The following NELL1 variants were observed in gnomAD, a reference collection of about 807,000 sequenced individuals.
NELL1 encodes the protein protein kinase C-binding protein NELL1.
Under a neutral mutation model 107.4 loss-of-function variants are expected in NELL1, and 76 were observed. That is an observed-to-expected ratio of 0.71 (90% CI 0.59 to 0.86). The LOEUF (loss-of-function observed/expected upper bound fraction) is 0.86, where lower values mean the gene tolerates loss of function less well. Ranked by LOEUF, NELL1 falls within the 40% of genes least tolerant of loss-of-function variation. The pLI, the probability that NELL1 is intolerant of heterozygous loss-of-function variation, is 0.00. For missense variants in NELL1, 1,024 were observed against 1,005.5 expected (o/e 1.02, Z -0.25); for synonymous variants, 353 against 341.2 (o/e 1.03, Z -0.38).
At chr11:20,863,549 GGGCAGCCGGGCAGA>G (rs1377132158) in intron 4 of NELL1, among the ~76,000 whole-genome samples, 1 of 150,362 alleles carries the variant, frequency 6.7e-6, no homozygotes, top group Non-Finnish European at 1.5e-5. Flanking sequence ...CCCAGACGAT[GGGCAGCCGGGCAGA>G]GACGCTCCTC....
chr11:20,957,436 A>G (rs1228108194), intron 11 of NELL1, among the ~76,000 whole-genome samples: 1 of 152,224 alleles, frequency 6.6e-6, no homozygotes, highest in Admixed American at 6.5e-5. Context: ...CTCTGAAGAA[A>G]TGCAGTTTAA....
At chr11:20,947,976 T>C (rs2134199255) in intron 11 of NELL1, among the ~76,000 whole-genome samples, 1 of 152,264 alleles carries the variant, frequency 6.6e-6, no homozygotes, top group East Asian at 1.9e-4. Flanking sequence ...TGGGCAGAAA[T>C]GGTTTTGCTT....
chr11:20,962,957 A>T (rs1374050748), intron 12 of NELL1, among the ~76,000 whole-genome samples: 1 of 152,204 alleles, frequency 6.6e-6, no homozygotes, highest in Non-Finnish European at 1.5e-5. Context: ...CATGGGTTAA[A>T]GCAGGGGTCA....
chr11:21,412,883 A>G (rs1852413573), intron 15 of NELL1, among the ~76,000 whole-genome samples: 1 of 152,082 alleles, frequency 6.6e-6, no homozygotes, highest in African/African-American at 2.4e-5. Context: ...TGCAACCCTC[A>G]CATTGCAACC....
At chr11:20,841,855 A>T (rs1373372912) in intron 3 of NELL1, among the ~76,000 whole-genome samples, 1 of 152,196 alleles carries the variant, frequency 6.6e-6, no homozygotes, top group Non-Finnish European at 1.5e-5. Context: ...AGGGGCAGGG[A>T]CATGATGTGC....
At position 21,233,655 on chromosome 11, in the gene NELL1, C is replaced by G. The variant is rs567586011; in HGVS notation, c.1549+4201C>G. Among the ~76,000 whole-genome samples, 21 of 152,304 alleles carry G rather than the reference C, an allele frequency of 1.4e-4. No homozygotes were observed. In the East Asian group the frequency reaches 4.1e-3, roughly 29 times the overall value. On this transcript the variant is annotated intron_variant, in intron 14 of 19. Coordinates refer to ENST00000357134, the MANE Select transcript of NELL1 (RefSeq NM_006157.5). ...CATTTGAGTTTAAATGGACAAAATG[C>G]TTGCAAACAGTTTCAAGTCAGATTT...
intron 3 of NELL1, among the ~76,000 whole-genome samples, chr11:20,842,015 T>A (rs1848631156): frequency 6.6e-6 from 1 of 152,176 alleles, no homozygotes; most frequent in African/African-American, 2.4e-5. Context: ...ACGGTATACC[T>A]GCCTTGTGTT....
intron 2 of NELL1, among the ~76,000 whole-genome samples, chr11:20,781,488 C>T (rs990183526): frequency 3.9e-5 from 6 of 152,102 alleles, no homozygotes; most frequent in Non-Finnish European, 5.9e-5. Flanking sequence ...TGAGAGATGA[C>T]GATACCCATA....
intron 9 of NELL1, 60 bp from the exon 10 acceptor site, chr11:20,937,726 C>T (rs923547533): frequency 1.6e-5 from 20 of 1,228,930 alleles, no homozygotes; most frequent in East Asian, 2.3e-5. Context: ...TAGAAGGTAC[C>T]TCTGAGGTCA....
intron 12 of NELL1, among the ~76,000 whole-genome samples, chr11:20,976,098 A>G (rs1429936951): frequency 7.4e-6 from 1 of 136,000 alleles, no homozygotes; most frequent in Admixed American, 7.3e-5. Flanking sequence ...ACATTTATAT[A>G]TACACATATC....
chr11:21,570,702 C>G, intron 17 of NELL1, 62 bp from the exon 18 acceptor site: 9 of 1,516,924 alleles, frequency 5.9e-6, no homozygotes, highest in Non-Finnish European at 8.1e-6. Flanking sequence ...GTTCATTTCT[C>G]TTAGTGTAGC....
intron 13 of NELL1, among the ~76,000 whole-genome samples, chr11:21,209,127 G>A (rs1221420366): frequency 6.6e-6 from 1 of 151,970 alleles, no homozygotes; most frequent in Admixed American, 6.6e-5. Context: ...CACATAACGG[G>A]TTTAGATTTA....
At chr11:21,498,333 T>TATATATATA in intron 15 of NELL1, among the ~76,000 whole-genome samples, 1 of 113,750 alleles carries the variant, frequency 8.8e-6, no homozygotes, top group East Asian at 2.6e-4. Flanking sequence ...CATAAACATA[T>TATATATATA]TATATATATA....
intron 14 of NELL1, among the ~76,000 whole-genome samples, chr11:21,348,923 A>C (rs756070269): frequency 1.3e-5 from 2 of 152,214 alleles, no homozygotes; most frequent in African/African-American, 4.8e-5. Flanking sequence ...CTGGGGTCAG[A>C]TTATGAATGG....
intron 15 of NELL1, among the ~76,000 whole-genome samples, chr11:21,492,126 C>CA (rs1246629338): frequency 1.3e-5 from 2 of 151,946 alleles, no homozygotes; most frequent in Non-Finnish European, 2.9e-5. Flanking sequence ...TTTATGCAAC[C>CA]AAAAAACACA....
intron 5 of NELL1, among the ~76,000 whole-genome samples, chr11:20,887,074 A>G (rs1274836421): frequency 2.6e-5 from 4 of 152,140 alleles, no homozygotes; most frequent in Non-Finnish European, 5.9e-5. Flanking sequence ...TGTCTTTACC[A>G]GAATGTTATA....
chr11:20,787,252 G>A (rs2133986780), intron 3 of NELL1, among the ~76,000 whole-genome samples: 1 of 152,010 alleles, frequency 6.6e-6, no homozygotes, highest in East Asian at 1.9e-4. Context: ...TAATGGCTGG[G>A]GGTAATAGAG....
At chr11:21,436,150 G>A (rs1016077739) in intron 15 of NELL1, among the ~76,000 whole-genome samples, 1 of 152,122 alleles carries the variant, frequency 6.6e-6, no homozygotes, top group African/African-American at 2.4e-5. Flanking sequence ...TCTGCCTCGG[G>A]TTCAAGTGAT....
intron 2 of NELL1, among the ~76,000 whole-genome samples, chr11:20,746,598 A>T (rs993112543): frequency 1.9e-5 from 2 of 102,592 alleles, no homozygotes; most frequent in East Asian, 3.3e-4. Flanking sequence ...ACACACACAC[A>T]CACACACACG....
Sources: allele counts gnomAD v4.1 joint callset (sites outside exome capture counted in the v4.1 genomes callset), GRCh38; gene constraint gnomAD v4.1.1; transcripts MANE v1.5; gene names NCBI Gene and HGNC (gene_info 2026-07-23, HGNC 2026-07-21).